The following NBAS variants were observed in gnomAD, a reference collection of about 807,000 sequenced individuals.
NBAS encodes the protein NBAS subunit of NRZ tethering complex.
NBAS carries 219 observed loss-of-function variants against 302.5 expected under a neutral mutation model. That is an observed-to-expected ratio of 0.72 (90% CI 0.65 to 0.81). The LOEUF (loss-of-function observed/expected upper bound fraction) is 0.81, where lower values mean the gene tolerates loss of function less well. NBAS is among the 30% of genes least tolerant of loss of function. The pLI is 0.00. For missense variants in NBAS, 2,932 were observed against 2,841.6 expected, an observed-to-expected ratio of 1.03 and a Z score of -0.72; for synonymous variants, 1,118 against 1,021.6, an observed-to-expected ratio of 1.09 and a Z score of -1.80.
At chr2:15,023,357 C>G in the NBAS span, among the ~76,000 whole-genome samples, 1 of 152,076 alleles carries the variant, frequency 6.6e-6, no homozygotes, top group Non-Finnish European at 1.5e-5. Context: ...TGCTTTCCCA[C>G]TATGAATAAT....
At chr2:14,944,265 C>T in the NBAS span, among the ~76,000 whole-genome samples, 1 of 152,208 alleles carries the variant, frequency 6.6e-6, no homozygotes, top group Non-Finnish European at 1.5e-5. Flanking sequence ...GATCGCACCA[C>T]TGCCCTCCAG....
At chr2:15,507,721 C>T (rs1661939531) in intron 10 of NBAS, among the ~76,000 whole-genome samples, 1 of 152,212 alleles carries the variant, frequency 6.6e-6, no homozygotes, top group South Asian at 2.1e-4. Context: ...TGAGACATAG[C>T]TGTTCTTCCC....
chr2:14,916,965 T>A, the NBAS span, among the ~76,000 whole-genome samples: 3 of 152,204 alleles, frequency 2.0e-5, no homozygotes, highest in African/African-American at 7.2e-5. Flanking sequence ...AAACAACACG[T>A]GTGCTTTTTT....
chr2:15,459,542 G>A (rs1446841730), intron 21 of NBAS, among the ~76,000 whole-genome samples: 2 of 138,678 alleles, frequency 1.4e-5, no homozygotes, highest in African/African-American at 2.7e-5. Flanking sequence ...TCACCCAGGG[G>A]TGCGATAGCT....
chr2:15,341,961 C>T (rs1231142641), intron 35 of NBAS, among the ~76,000 whole-genome samples: 1 of 152,138 alleles, frequency 6.6e-6, no homozygotes, highest in Non-Finnish European at 1.5e-5. Flanking sequence ...GAATCTTCCA[C>T]AGAGAACACT....
chr2:14,858,595 A>T, the NBAS span, among the ~76,000 whole-genome samples: 1 of 151,646 alleles, frequency 6.6e-6, no homozygotes, highest in Non-Finnish European at 1.5e-5. Context: ...TCACTTATTT[A>T]TGAGAGGTAA....
chr2:15,337,697 T>C (rs1030542391), intron 35 of NBAS, among the ~76,000 whole-genome samples: 4 of 152,120 alleles, frequency 2.6e-5, no homozygotes, highest in African/African-American at 9.7e-5. Context: ...ATGAGAATCA[T>C]GAAAGAGAAA....
chr2:14,929,717 G>A, the NBAS span, among the ~76,000 whole-genome samples: 69 of 152,052 alleles, frequency 4.5e-4, 1 homozygote, highest in Non-Finnish European at 1.6e-4. Flanking sequence ...AATAGCCCAT[G>A]AGAAGATGGG....
At chr2:15,471,647 C>T (rs1216578061) in intron 16 of NBAS, among the ~76,000 whole-genome samples, 1 of 152,046 alleles carries the variant, frequency 6.6e-6, no homozygotes, top group African/African-American at 2.4e-5. Context: ...CCCCAAAATC[C>T]ATATGTTGAA....
At chr2:15,211,163 G>A (rs1666390725) in intron 48 of NBAS, among the ~76,000 whole-genome samples, 2 of 152,112 alleles carry the variant, frequency 1.3e-5, no homozygotes, top group South Asian at 4.1e-4. Context: ...AATGCTTGAG[G>A]TGGTACATGC....
the NBAS span, among the ~76,000 whole-genome samples, chr2:14,840,848 T>C: frequency 2.6e-5 from 4 of 151,984 alleles, no homozygotes; most frequent in Admixed American, 6.6e-5. Context: ...TAAAACCCAC[T>C]GGTACAATTA....
intron 21 of NBAS, among the ~76,000 whole-genome samples, chr2:15,433,400 C>T (rs1677856256): frequency 6.6e-6 from 1 of 152,166 alleles, no homozygotes; most frequent in South Asian, 2.1e-4. Flanking sequence ...GTTATAAAAA[C>T]ATTAATACCA....
chr2:14,917,384 T>C, the NBAS span, among the ~76,000 whole-genome samples: 1 of 152,220 alleles, frequency 6.6e-6, no homozygotes, highest in Non-Finnish European at 1.5e-5. Context: ...GTAGGCCTCA[T>C]CAACATGGAA....
At chr2:15,203,283 T>C (rs937673985) in intron 48 of NBAS, among the ~76,000 whole-genome samples, 2 of 152,180 alleles carry the variant, frequency 1.3e-5, no homozygotes, top group African/African-American at 4.8e-5. Flanking sequence ...TTAACCACTT[T>C]GAGTCTATTT....
intron 6 of NBAS, 56 bp from the exon 7 acceptor site, chr2:15,539,412 T>C (rs1172003931): frequency 6.2e-6 from 10 of 1,600,976 alleles, no homozygotes; most frequent in African/African-American, 1.3e-5. Context: ...AGATAGTTAA[T>C]GCTTTTAGTA....
intron 21 of NBAS, among the ~76,000 whole-genome samples, chr2:15,454,168 G>T (rs1316577958): frequency 6.6e-6 from 1 of 152,000 alleles, no homozygotes; most frequent in African/African-American, 2.4e-5. Flanking sequence ...TTTAAATACT[G>T]CAATATTTCA....
chr2:15,196,644 G>A (rs1348889339), intron 48 of NBAS, among the ~76,000 whole-genome samples: 1 of 152,080 alleles, frequency 6.6e-6, no homozygotes, highest in African/African-American at 2.4e-5. Context: ...AATTTGAGGG[G>A]AAAAATCCCT....
the NBAS span, among the ~76,000 whole-genome samples, chr2:15,082,240 C>T: frequency 6.6e-6 from 1 of 152,110 alleles, no homozygotes; most frequent in Non-Finnish European, 1.5e-5. Context: ...TACTTATGCC[C>T]CAGTTAGTTT....
the NBAS span, among the ~76,000 whole-genome samples, chr2:14,953,661 A>T: frequency 6.6e-6 from 1 of 152,170 alleles, no homozygotes; most frequent in Admixed American, 6.5e-5. Flanking sequence ...CCAGTTTTCC[A>T]GGGGCTCCGT....
Sources: allele counts gnomAD v4.1 joint callset (sites outside exome capture counted in the v4.1 genomes callset), GRCh38; gene constraint gnomAD v4.1.1; transcripts MANE v1.5; gene names NCBI Gene and HGNC (gene_info 2026-07-23, HGNC 2026-07-21).